Variants in CDC14B observed in about 807,000 individuals in gnomAD.
The protein encoded by CDC14B is cell division cycle 14B, also known as dual specificity protein phosphatase CDC14B.
A neutral mutation model predicts 64.2 loss-of-function variants in CDC14B; 22 were observed. The ratio of observed to expected loss-of-function variants is 0.34; its 90% confidence interval spans 0.24 to 0.49. CDC14B has a LOEUF of 0.49. CDC14B is among the 20% of genes least tolerant of loss of function. The pLI, the probability that CDC14B is intolerant of heterozygous loss-of-function variation, is 0.99. For missense variants in CDC14B, 498 were observed against 629.9 expected (o/e 0.79, Z 2.24); for synonymous variants, 191 against 215.8 (o/e 0.89, Z 1.01).
intron 13 of CDC14B, among the ~76,000 whole-genome samples, chr9:96,508,959 A>G (rs901272374): frequency 1.3e-5 from 2 of 152,232 alleles, no homozygotes; most frequent in African/African-American, 4.8e-5. Context: ...GGACAGAAAC[A>G]GGACTGCATG....
At chr9:96,546,912 ATT>A (rs1840982381) in intron 5 of CDC14B, among the ~76,000 whole-genome samples, 1 of 151,938 alleles carries the variant, frequency 6.6e-6, no homozygotes, top group African/African-American at 2.4e-5. Context: ...AATACAAAAA[ATT>A]AGCTGGGCGT....
chr9:96,545,333 T>C (rs994350917), intron 5 of CDC14B, among the ~76,000 whole-genome samples: 27 of 150,590 alleles, frequency 1.8e-4, no homozygotes, highest in Non-Finnish European at 2.4e-4. Flanking sequence ...TATTTTCTTT[T>C]TTTTTTTTTT....
At chr9:96,546,668 T>G (rs1236990708) in intron 5 of CDC14B, among the ~76,000 whole-genome samples, 2 of 152,088 alleles carry the variant, frequency 1.3e-5, no homozygotes, top group African/African-American at 4.8e-5. Context: ...CAGGCTCATC[T>G]TGAACTCCTG....
chr9:96,582,342 G>A lies in CDC14B; in HGVS notation c.161-16859C>T, dbSNP rs111926405. Reference sequence around the variant, plus strand: ...CAATTTAGCCTAAATATTTGCCCTGGCATGCTTATACTGGTCCAAGCAAGC... The same window carrying A: ...CAATTTAGCCTAAATATTTGCCCTGACATGCTTATACTGGTCCAAGCAAGC... On this transcript the variant is annotated intron_variant, in intron 1 of 13. Coordinates refer to ENST00000375241, the MANE Select transcript of CDC14B (RefSeq NM_033331.4). Among the ~76,000 whole-genome samples, 1,437 of 152,216 alleles carry A rather than the reference G, an allele frequency of 9.4e-3. 16 individuals carry two copies. The highest frequency in any genetic ancestry group is 0.014 in the Non-Finnish European group (950 of 68,010).
chr9:96,612,024 A>C (rs1205157089), intron 1 of CDC14B, among the ~76,000 whole-genome samples: 3 of 152,244 alleles, frequency 2.0e-5, no homozygotes, highest in Admixed American at 2.0e-4. Flanking sequence ...TCAGTATAAT[A>C]AAAATACATA....
chr9:96,541,296 T>C (rs1840024266), intron 6 of CDC14B, among the ~76,000 whole-genome samples: 1 of 152,238 alleles, frequency 6.6e-6, no homozygotes, highest in South Asian at 2.1e-4. Flanking sequence ...TGGAAATAGT[T>C]TGACAAAGCA....
chr9:96,596,651 G>A (rs1229342698), intron 1 of CDC14B, among the ~76,000 whole-genome samples: 3 of 151,908 alleles, frequency 2.0e-5, no homozygotes, highest in Non-Finnish European at 2.9e-5. Flanking sequence ...GCTTGGGCCC[G>A]GAAGTTGGAG....
chr9:96,512,521 C>T (rs780842466), intron 12 of CDC14B, among the ~76,000 whole-genome samples: 18 of 151,876 alleles, frequency 1.2e-4, no homozygotes, highest in Admixed American at 3.3e-4. Flanking sequence ...GATGGGGTCT[C>T]GCTATGTTGC....
chr9:96,571,224 G>A (rs1416550915), intron 1 of CDC14B, among the ~76,000 whole-genome samples: 1 of 149,662 alleles, frequency 6.7e-6, no homozygotes, highest in Non-Finnish European at 1.5e-5. Flanking sequence ...TTGTCAGGCT[G>A]GAGTGCAGTG....
chr9:96,603,435 T>A (rs532585088), intron 1 of CDC14B, among the ~76,000 whole-genome samples: 1 of 152,090 alleles, frequency 6.6e-6, no homozygotes, highest in Admixed American at 6.6e-5. Context: ...ATTTGAAAAA[T>A]ACAGGAAGCC....
chr9:96,598,185 C>T (rs1463619042), intron 1 of CDC14B, among the ~76,000 whole-genome samples: 1 of 152,110 alleles, frequency 6.6e-6, no homozygotes, highest in Non-Finnish European at 1.5e-5. Context: ...GAAAAATGTG[C>T]AAAGAATATT....
intron 1 of CDC14B, among the ~76,000 whole-genome samples, chr9:96,584,502 C>G (rs1176342727): frequency 6.7e-6 from 1 of 149,826 alleles, no homozygotes; most frequent in East Asian, 1.9e-4. Context: ...CATTCACTTT[C>G]AGCAGATAAG....
At chr9:96,566,683 G>C in intron 1 of CDC14B, 1 of 1,344,416 alleles carries the variant, frequency 7.4e-7, no homozygotes. Context: ...GCCCAGACTA[G>C]GGGCACCTCC....
chr9:96,591,762 T>C (rs1588043458), intron 1 of CDC14B, among the ~76,000 whole-genome samples: 1 of 152,108 alleles, frequency 6.6e-6, no homozygotes, highest in East Asian at 1.9e-4. Flanking sequence ...CTTTTTTTTT[T>C]TGAGACGGAG....
chr9:96,567,067 G>T, intron 1 of CDC14B: 1 of 1,037,810 alleles, frequency 9.6e-7, no homozygotes, highest in Non-Finnish European at 1.3e-6. Context: ...CCCACCTCCC[G>T]CTTTCTTTCC....
intron 1 of CDC14B, among the ~76,000 whole-genome samples, chr9:96,598,692 TG>T (rs1846241810): frequency 6.6e-6 from 1 of 152,210 alleles, no homozygotes; most frequent in Non-Finnish European, 1.5e-5. Context: ...GACTGTAAAT[TG>T]GTAAAGCTTC....
chr9:96,588,532 G>A (rs193193194), intron 1 of CDC14B, among the ~76,000 whole-genome samples: 1 of 152,158 alleles, frequency 6.6e-6, no homozygotes, highest in Non-Finnish European at 1.5e-5. Flanking sequence ...TGTCGCCCAG[G>A]CTGGAGCGCA....
rs1364680923 is a variant in CDC14B at position 96,523,298 on chromosome 9, T to C, written c.1208A>G (p.Asn403Ser). 1 of 1,614,134 alleles carries C rather than the reference T, an allele frequency of 6.2e-7. No individual in the cohort carries two copies. Among genetic ancestry groups the C allele is most frequent in the East Asian group, 2.2e-5 (1 of 44,884 alleles). The change falls in exon 11 of 14, where the codon AAT becomes AGT. Residue 403 changes from asparagine (N) to serine (S), a missense_variant. Asn to Ser is a conservative substitution (Grantham distance 46). Transcript: ENST00000375241. ...LLSGVDDISI[N>S]GVENQDQQEP... ...TTGCTGATCTTGATTCTCGACCCCATTTATGGAAATGTCATCAACGCCAGA... is the reference window on the plus strand; with the variant it reads ...TTGCTGATCTTGATTCTCGACCCCACTTATGGAAATGTCATCAACGCCAGA...
chr9:96,563,756 A>AT (rs982457946), intron 3 of CDC14B, among the ~76,000 whole-genome samples: 4 of 152,038 alleles, frequency 2.6e-5, no homozygotes, highest in Non-Finnish European at 5.9e-5. Flanking sequence ...CAGGAAAAAA[A>AT]TTTTTTTCCA....
Sources: allele counts gnomAD v4.1 joint callset (sites outside exome capture counted in the v4.1 genomes callset), GRCh38; gene constraint gnomAD v4.1.1; transcripts MANE v1.5; gene names NCBI Gene and HGNC (gene_info 2026-07-23, HGNC 2026-07-21).